Variants in LEF1 observed in about 807,000 individuals in gnomAD.
LEF1 encodes the protein lymphoid enhancer-binding factor 1.
A neutral mutation model predicts 51.2 loss-of-function variants in LEF1; 14 were observed. The ratio of observed to expected loss-of-function variants is 0.27; its 90% confidence interval spans 0.18 to 0.43. The LOEUF is 0.43. Among genes scored for constraint, LEF1 ranks in the 20% least tolerant of loss-of-function variants. The probability of loss-of-function intolerance (pLI) is 1.00; values close to 1 mark genes in which losing one functional copy is unlikely to be tolerated. For synonymous variants in LEF1, 185 were observed against 183.2 expected (o/e 1.01, Z -0.08); for missense variants, 386 against 512.0 (o/e 0.75, Z 2.37).
intron 3 of LEF1, among the ~76,000 whole-genome samples, chr4:108,124,373 C>T (rs1361061076): frequency 6.7e-6 from 1 of 148,328 alleles, no homozygotes; most frequent in Non-Finnish European, 1.5e-5. Flanking sequence ...GATACATGAA[C>T]ATTTTTTTTT....
intron 6 of LEF1, among the ~76,000 whole-genome samples, chr4:108,080,633 C>G (rs569190879): frequency 2.0e-5 from 3 of 152,226 alleles, no homozygotes; most frequent in Middle Eastern, 3.4e-3. Context: ...AGAGTTCTAT[C>G]ATCAGATAGT....
chr4:108,132,155 A>C (rs926275729), intron 3 of LEF1, among the ~76,000 whole-genome samples: 11 of 152,184 alleles, frequency 7.2e-5, no homozygotes, highest in Non-Finnish European at 1.6e-4. Flanking sequence ...CACATTATGT[A>C]AAAAACATAA....
At chr4:108,062,072 T>A (rs1370372841) in intron 11 of LEF1, among the ~76,000 whole-genome samples, 1 of 152,116 alleles carries the variant, frequency 6.6e-6, no homozygotes, top group Non-Finnish European at 1.5e-5. Flanking sequence ...ATCCTGCACA[T>A]CAACCACCAC....
chr4:108,058,970 G>A (rs148814063), intron 11 of LEF1, among the ~76,000 whole-genome samples: 382 of 152,284 alleles, frequency 2.5e-3, no homozygotes, highest in Non-Finnish European at 3.5e-3. Flanking sequence ...TGACTAGTCC[G>A]AAAAGCTAAA....
At chr4:108,119,987 TTA>T (rs200797598) in intron 3 of LEF1, among the ~76,000 whole-genome samples, 5 of 44,856 alleles carry the variant, frequency 1.1e-4, no homozygotes, top group African/African-American at 4.9e-4. Flanking sequence ...TGTGTATATT[TTA>T]TATATGTGTG....
chr4:108,083,998 G>A lies in LEF1; in HGVS notation c.548-552C>T, dbSNP rs76534103. ...ATTTGATATGATTCATTTGGTCTCT[G>A]TCTAAGCTCTTCATCAAGTTGAGTC... On this transcript the variant is annotated intron_variant, in intron 4 of 11. Transcript: ENST00000265165. Among the ~76,000 whole-genome samples the A allele has an allele frequency of 7.7e-3, 1,167 of 152,264 alleles. 15 individuals are homozygous for A. Among genetic ancestry groups the A allele is most frequent in the African/African-American group, 0.026 (1,070 of 41,536 alleles).
intron 3 of LEF1, among the ~76,000 whole-genome samples, chr4:108,151,230 C>A (rs1744341384): frequency 6.6e-6 from 1 of 152,210 alleles, no homozygotes; most frequent in Non-Finnish European, 1.5e-5. Context: ...TTTCCCTCCT[C>A]CACATCTAAC....
At chr4:108,128,187 G>C (rs772921654) in intron 3 of LEF1, among the ~76,000 whole-genome samples, 46 of 152,112 alleles carry the variant, frequency 3.0e-4, no homozygotes, top group Non-Finnish European at 5.4e-4. Context: ...TTATGAAAGT[G>C]AGAGTATTCA....
intron 3 of LEF1, among the ~76,000 whole-genome samples, chr4:108,158,488 C>T (rs1744868503): frequency 6.6e-6 from 1 of 152,096 alleles, no homozygotes; most frequent in Non-Finnish European, 1.5e-5. Context: ...CTGAGCTCTA[C>T]TTTTACCTGG....
intron 11 of LEF1, among the ~76,000 whole-genome samples, chr4:108,049,913 C>T (rs746889419): frequency 2.5e-4 from 38 of 152,244 alleles, no homozygotes; most frequent in Non-Finnish European, 4.8e-4. Context: ...TGCGAGGACA[C>T]CTGCCCTTCA....
At chr4:108,111,440 A>AGGGT in intron 3 of LEF1, among the ~76,000 whole-genome samples, 1 of 152,084 alleles carries the variant, frequency 6.6e-6, no homozygotes. Context: ...AGGCCACACA[A>AGGGT]CTCCTGCCTG....
intron 6 of LEF1, among the ~76,000 whole-genome samples, chr4:108,080,497 T>C (rs1377858268): frequency 6.6e-6 from 1 of 152,186 alleles, no homozygotes; most frequent in African/African-American, 2.4e-5. Context: ...CTAGGATATA[T>C]ATTTTTCAAA....
intron 3 of LEF1, among the ~76,000 whole-genome samples, chr4:108,125,584 T>A (rs1259177036): frequency 1.3e-5 from 2 of 152,220 alleles, no homozygotes; most frequent in Non-Finnish European, 2.9e-5. Context: ...ATTTACTGAA[T>A]AAATTAATGA....
In LEF1 at chr4:108,167,910, G is replaced by A. The variant is rs1443801108; in HGVS notation, c.-143C>T. 3.7e-6 allele frequency: 2 copies of A among 541,624 alleles called. No individual in the cohort carries two copies. Among genetic ancestry groups the A allele is most frequent in the Non-Finnish European group, 5.6e-6 (2 of 356,500 alleles). 33.6% of individuals were successfully genotyped at this position (541,624 alleles called of 1,614,324 possible). On this transcript the variant is annotated 5_prime_UTR_variant, in exon 1 of 12. Coordinates refer to ENST00000265165, the MANE Select transcript of LEF1 (RefSeq NM_016269.5). The surrounding 1 kb of genome is among the most constrained non-coding windows in gnomAD (Gnocchi z 5.7). ...GACAGCGGGCGGAAGCGGGGCGGGC[G>A]AGCGCGGGGCCGCCGGCCGGCAGCC... is the stretch of plus-strand genomic sequence containing the variant.
intron 3 of LEF1, among the ~76,000 whole-genome samples, chr4:108,103,716 T>A (rs1405833155): frequency 6.6e-6 from 1 of 152,236 alleles, no homozygotes; most frequent in East Asian, 1.9e-4. Flanking sequence ...TTGCTTAACA[T>A]AACCTGAATT....
chr4:108,061,276 A>G (rs190630222), intron 11 of LEF1, among the ~76,000 whole-genome samples: 53 of 152,292 alleles, frequency 3.5e-4, no homozygotes, highest in African/African-American at 1.2e-3. Context: ...TAGAGAGAAC[A>G]TCTTAACCTT....
chr4:108,161,005 C>T (rs1340532677), intron 3 of LEF1, among the ~76,000 whole-genome samples: 1 of 152,158 alleles, frequency 6.6e-6, no homozygotes, highest in East Asian at 1.9e-4. Context: ...CAAGGGGATG[C>T]TCCCATCCTA....
chr4:108,079,789 T>G (rs928153316), intron 6 of LEF1, among the ~76,000 whole-genome samples, 175 bp from the exon 7 acceptor site: 1 of 152,062 alleles, frequency 6.6e-6, no homozygotes, highest in African/African-American at 2.4e-5. Flanking sequence ...TCTTTCTATA[T>G]TCGGGTGGAA....
chr4:108,054,524 A>G (rs1737200292), intron 11 of LEF1, among the ~76,000 whole-genome samples: 1 of 152,216 alleles, frequency 6.6e-6, no homozygotes, highest in African/African-American at 2.4e-5. Context: ...AGAGGAGGCA[A>G]CACATGCAGA....
Sources: gnomAD v4.1 joint callset for allele counts (sites outside exome capture counted in the v4.1 genomes callset) on GRCh38, gnomAD v4.1.1 for gene constraint, Gnocchi (gnomAD v3.1) non-coding constraint, MANE v1.5 for transcripts, NCBI Gene and HGNC (gene_info 2026-07-23, HGNC 2026-07-21) for gene names.